Variants in ARID1B observed in about 807,000 individuals in gnomAD.
ARID1B encodes AT-rich interaction domain 1B, also known as AT-rich interactive domain-containing protein 1B.
ARID1B carries 30 observed loss-of-function variants against 212.3 expected under a neutral mutation model. The ratio of observed to expected loss-of-function variants is 0.14; its 90% CI spans 0.11 to 0.19. ARID1B has a LOEUF of 0.19. Among genes scored for constraint, ARID1B ranks in the 10% least tolerant of loss-of-function variants. ARID1B has a pLI of 1.00. For missense variants in ARID1B, 2,891 were observed against 3,204.0 expected (o/e 0.90, Z 2.36); for synonymous variants, 1,402 against 1,301.7 (o/e 1.08, Z -1.66).
chr6:157,079,451 T>G (rs753474481), intron 4 of ARID1B, among the ~76,000 whole-genome samples: 2 of 152,228 alleles, frequency 1.3e-5, no homozygotes, highest in African/African-American at 2.4e-5. Flanking sequence ...TCAATTCTCA[T>G]ATCAATTTCA....
At chr6:156,988,924 G>A (rs1778103714) in intron 4 of ARID1B, among the ~76,000 whole-genome samples, 1 of 152,170 alleles carries the variant, frequency 6.6e-6, no homozygotes, top group African/African-American at 2.4e-5. Context: ...AGAGAAATGT[G>A]CCATAAAAAT....
chr6:157,080,805 A>G (rs1261912391), intron 4 of ARID1B, among the ~76,000 whole-genome samples: 1 of 152,242 alleles, frequency 6.6e-6, no homozygotes, highest in African/African-American at 2.4e-5. Context: ...AGGGAGAGTC[A>G]TTGCAGGGAA....
intron 6 of ARID1B, among the ~76,000 whole-genome samples, chr6:157,117,324 T>C (rs1331781467): frequency 6.6e-6 from 1 of 152,266 alleles, no homozygotes; most frequent in Non-Finnish European, 1.5e-5. Context: ...TATATGCTGC[T>C]TCTGTTATTA....
intron 3 of ARID1B, among the ~76,000 whole-genome samples, chr6:156,920,476 CAT>C (rs1298268994): frequency 4.6e-5 from 7 of 152,090 alleles, no homozygotes; most frequent in South Asian, 2.1e-4. Flanking sequence ...TGAAATAAAA[CAT>C]AATTTATACA....
intron 2 of ARID1B, among the ~76,000 whole-genome samples, chr6:156,888,956 C>T (rs972615336): frequency 1.3e-5 from 2 of 152,150 alleles, no homozygotes; most frequent in Non-Finnish European, 2.9e-5. Context: ...CCCTAGGTGT[C>T]AAAGCTTCCA....
At chr6:156,816,270 A>G (rs1781957534) in intron 1 of ARID1B, among the ~76,000 whole-genome samples, 1 of 152,178 alleles carries the variant, frequency 6.6e-6, no homozygotes, top group African/African-American at 2.4e-5. Flanking sequence ...CAGCATATCG[A>G]TTTTCATAAT....
chr6:156,784,684 G>A (rs1779512361), intron 1 of ARID1B, among the ~76,000 whole-genome samples: 2 of 152,182 alleles, frequency 1.3e-5, no homozygotes, highest in South Asian at 4.1e-4. Flanking sequence ...TCCACTGTAA[G>A]TTTTCACTAA....
chr6:156,812,933 GGT>G (rs71027314), intron 1 of ARID1B, among the ~76,000 whole-genome samples: 8,085 of 89,330 alleles, frequency 0.091, 434 homozygotes, highest in Middle Eastern at 0.15. Context: ...TATAATCCTG[GGT>G]GTGTGTGTGT....
intron 1 of ARID1B, among the ~76,000 whole-genome samples, chr6:156,798,391 A>G (rs997352085): frequency 2.6e-5 from 4 of 151,902 alleles, no homozygotes; most frequent in Non-Finnish European, 5.9e-5. Context: ...TTCCCTTAGC[A>G]CTCCTAGGTG....
At chr6:156,932,177 G>T (rs1791797795) in intron 3 of ARID1B, among the ~76,000 whole-genome samples, 2 of 147,816 alleles carry the variant, frequency 1.4e-5, no homozygotes, top group Non-Finnish European at 3.0e-5. Context: ...ATACCAAACT[G>T]AAAATTTCTG....
intron 5 of ARID1B, among the ~76,000 whole-genome samples, chr6:157,087,353 AT>A (rs757455014): frequency 1.2e-4 from 18 of 152,370 alleles, no homozygotes; most frequent in Admixed American, 2.6e-4. Flanking sequence ...AATTACAAAC[AT>A]TTGAACTTGA....
intron 7 of ARID1B, among the ~76,000 whole-genome samples, chr6:157,138,484 C>T (rs1443384365): frequency 6.6e-6 from 1 of 152,148 alleles, no homozygotes; most frequent in Non-Finnish European, 1.5e-5. Flanking sequence ...ATGATCCACC[C>T]ACCTCGGCCT....
intron 2 of ARID1B, among the ~76,000 whole-genome samples, chr6:156,849,263 C>T (rs1451685540): frequency 6.6e-6 from 1 of 152,142 alleles, no homozygotes; most frequent in Non-Finnish European, 1.5e-5. Context: ...CTTAGAAAAC[C>T]ATTTTTGTCT....
At chr6:157,160,738 C>T (rs936081260) in intron 8 of ARID1B, among the ~76,000 whole-genome samples, 8 of 152,332 alleles carry the variant, frequency 5.3e-5, no homozygotes, top group Admixed American at 2.0e-4. Context: ...TTTGCTCTAC[C>T]GCATTTTCTC....
chr6:156,807,118 G>T (rs1172525373), intron 1 of ARID1B, among the ~76,000 whole-genome samples: 1 of 151,860 alleles, frequency 6.6e-6, no homozygotes, highest in African/African-American at 2.4e-5. Flanking sequence ...TCCATTTCCA[G>T]TTCCGTCCAA....
At chr6:157,036,216 C>T (rs780701400) in intron 4 of ARID1B, 7 of 152,244 alleles carry the variant, frequency 4.6e-5, no homozygotes, top group African/African-American at 1.7e-4. Context: ...TTTTGTTCCT[C>T]GCAGCTTTTT....
Position 156,987,402 on chromosome 6 carries a change from C to T in ARID1B, c.2247+51826C>T, listed in dbSNP as rs112867094. 8.8e-3 allele frequency among the ~76,000 whole-genome samples: 1,328 copies of T among 151,394 alleles called. 7 individuals are homozygous for T. The highest frequency in any genetic ancestry group is 0.013 in the Non-Finnish European group (855 of 67,880). ...CTGGAGTGCAGTGGCACGATGTCCGCTCACTGCAAGCTCTGCCTCCCGGGT... is the reference window on the plus strand; with the variant it reads ...CTGGAGTGCAGTGGCACGATGTCCGTTCACTGCAAGCTCTGCCTCCCGGGT... On this transcript the variant is annotated intron_variant, in intron 4 of 19. Transcript: ENST00000636930.
chr6:157,138,518 A>T (rs905433512), intron 7 of ARID1B, among the ~76,000 whole-genome samples: 1 of 152,158 alleles, frequency 6.6e-6, no homozygotes, highest in Non-Finnish European at 1.5e-5. Flanking sequence ...GATTACAGGC[A>T]TGAGAGAACC....
At chr6:156,783,505 G>C (rs1779422470) in intron 1 of ARID1B, among the ~76,000 whole-genome samples, 1 of 152,112 alleles carries the variant, frequency 6.6e-6, no homozygotes, top group Non-Finnish European at 1.5e-5. Flanking sequence ...TTTATTAATA[G>C]ACTTTATTTC....
Sources: allele counts gnomAD v4.1 joint callset (sites outside exome capture counted in the v4.1 genomes callset), GRCh38; gene constraint gnomAD v4.1.1; transcripts MANE v1.5; gene names NCBI Gene and HGNC (gene_info 2026-07-23, HGNC 2026-07-21).